XIRP2: variants seen among roughly 807,000 people sequenced by gnomAD.
XIRP2 encodes the protein xin actin-binding repeat-containing protein 2.
Under a neutral mutation model 277.0 loss-of-function variants are expected in XIRP2, and 236 were observed. The observed-to-expected ratio is 0.85, with a 90% confidence interval of 0.77 to 0.95. The LOEUF (loss-of-function observed/expected upper bound fraction) is 0.95, where lower values mean the gene tolerates loss of function less well. XIRP2 is among the 40% of genes least tolerant of loss of function. The pLI is 0.00. For synonymous variants in XIRP2, 1,490 were observed against 1,416.5 expected, an observed-to-expected ratio of 1.05 and a Z score of -1.17; for missense variants, 4,640 against 4,157.5, an observed-to-expected ratio of 1.12 and a Z score of -3.19.
intron 5 of XIRP2, among the ~76,000 whole-genome samples, chr2:167,233,665 T>C (rs1694820525): frequency 6.6e-6 from 1 of 151,818 alleles, no homozygotes; most frequent in Non-Finnish European, 1.5e-5. Context: ...TTAGTTAGCA[T>C]AGGACACATG....
At chr2:167,089,249 A>T (rs1044245272) in intron 2 of XIRP2, among the ~76,000 whole-genome samples, 5 of 152,166 alleles carry the variant, frequency 3.3e-5, no homozygotes, top group Non-Finnish European at 5.9e-5. Flanking sequence ...AATAGCAAAG[A>T]CAACTTTTTC....
At chr2:167,239,762 T>G (rs1182292533) in intron 5 of XIRP2, 93 bp from the exon 6 acceptor site, 2 of 1,095,384 alleles carry the variant, frequency 1.8e-6, no homozygotes, top group Non-Finnish European at 2.6e-6. Flanking sequence ...AATCTCATTT[T>G]TTTTCAGAAA....
At chr2:166,994,744 T>A (rs1276915785) in intron 2 of XIRP2, among the ~76,000 whole-genome samples, 2 of 151,862 alleles carry the variant, frequency 1.3e-5, no homozygotes, top group Non-Finnish European at 2.9e-5. Flanking sequence ...GTTAATAGTA[T>A]TATGTCAGTG....
chr2:167,187,405 A>C (rs1218834922), intron 3 of XIRP2: 1 of 985,224 alleles, frequency 1.0e-6, no homozygotes. Context: ...CCTCCACTGC[A>C]CCCATTGCTT....
chr2:166,948,716 A>G (rs537319881), intron 2 of XIRP2, among the ~76,000 whole-genome samples: 43 of 152,082 alleles, frequency 2.8e-4, no homozygotes, highest in South Asian at 6.2e-4. Context: ...CCATATTCTA[A>G]TCTTCCAATA....
At chr2:167,103,966 T>C (rs1192003699) in intron 2 of XIRP2, among the ~76,000 whole-genome samples, 2 of 152,140 alleles carry the variant, frequency 1.3e-5, no homozygotes, top group Admixed American at 6.5e-5. Context: ...GAAATAGGAG[T>C]CAGTAGTCAC....
chr2:167,024,565 A>T (rs1688093552), intron 2 of XIRP2, among the ~76,000 whole-genome samples: 2 of 152,150 alleles, frequency 1.3e-5, no homozygotes, highest in South Asian at 4.1e-4. Flanking sequence ...GTTTTTGCCC[A>T]TTCAGTATGA....
In XIRP2 at chr2:167,085,448, G is replaced by A. The variant is rs1379502933; in HGVS notation, c.409-50461G>A. On this transcript the variant is annotated intron_variant, in intron 2 of 10. Transcript: ENST00000409195. Reference sequence around the variant, plus strand: ...ATTTGGGGTGGAGAGTTCTGTAGATGTCTATTAGGTCTGCTTGGTGCAGAG... The same window carrying A: ...ATTTGGGGTGGAGAGTTCTGTAGATATCTATTAGGTCTGCTTGGTGCAGAG... 4.6e-3 allele frequency among the ~76,000 whole-genome samples: 698 copies of A among 151,526 alleles called. 4 individuals are homozygous for A. The highest frequency in any genetic ancestry group is 0.016 in the African/African-American group (678 of 41,416).
At chr2:167,088,338 C>A (rs779419760) in intron 2 of XIRP2, among the ~76,000 whole-genome samples, 1 of 152,014 alleles carries the variant, frequency 6.6e-6, no homozygotes, top group African/African-American at 2.4e-5. Flanking sequence ...TTCTCCATTC[C>A]CTGCATTTCT....
intron 2 of XIRP2, among the ~76,000 whole-genome samples, chr2:166,997,212 C>T (rs1053251681): frequency 6.6e-5 from 10 of 152,096 alleles, no homozygotes; most frequent in African/African-American, 2.4e-4. Context: ...CTTTCTCCAA[C>T]CTACCTTTTA....
chr2:166,931,673 G>A (rs901376088), intron 2 of XIRP2, among the ~76,000 whole-genome samples: 1 of 152,044 alleles, frequency 6.6e-6, no homozygotes, highest in African/African-American at 2.4e-5. Context: ...TCTTTTGTGG[G>A]TGTGTATTTG....
intron 2 of XIRP2, among the ~76,000 whole-genome samples, chr2:167,126,819 A>G (rs56730065): frequency 0.29 from 44,547 of 152,002 alleles, 9,022 homozygotes; most frequent in African/African-American, 0.57. Context: ...CCTGCTGTGA[A>G]CCTCACTGTC....
chr2:167,011,119 G>A (rs1687666200), intron 2 of XIRP2, among the ~76,000 whole-genome samples: 1 of 149,378 alleles, frequency 6.7e-6, no homozygotes, highest in South Asian at 2.1e-4. Flanking sequence ...TTGAATAGGA[G>A]TGGTGAGAGA....
chr2:167,112,891 T>C lies in XIRP2; in HGVS notation c.409-23018T>C, dbSNP rs532710245. On this transcript the variant is annotated intron_variant, in intron 2 of 10. Coordinates refer to ENST00000409195, the MANE Select transcript of XIRP2 (RefSeq NM_152381.6). ...GCTGATCTCAAACTCCTGGCCTCAA[T>C]TGATCTGCCTGCCTCAGTCTCCCAA... is the stretch of plus-strand genomic sequence containing the variant. Among the ~76,000 whole-genome samples the C allele has an allele frequency of 3.4e-3, 515 of 152,116 alleles. 4 individuals carry two copies. The highest frequency in any genetic ancestry group is 0.017 in the Middle Eastern group (5 of 294).
chr2:167,049,361 T>C (rs1312033398), intron 2 of XIRP2, among the ~76,000 whole-genome samples: 1 of 151,906 alleles, frequency 6.6e-6, no homozygotes, highest in African/African-American at 2.4e-5. Context: ...TATATATAGC[T>C]GATGAAAAAC....
intron 2 of XIRP2, among the ~76,000 whole-genome samples, chr2:166,922,164 C>T (rs185966252): frequency 6.4e-4 from 98 of 152,260 alleles, no homozygotes; most frequent in African/African-American, 2.2e-3. Flanking sequence ...TCTTAGACCA[C>T]GGCTTGAATA....
chr2:167,026,850 C>T (rs374872233), intron 2 of XIRP2, among the ~76,000 whole-genome samples: 1 of 152,066 alleles, frequency 6.6e-6, no homozygotes. Flanking sequence ...ACTCTTCTGA[C>T]TTGTAGAGTT....
At chr2:167,108,525 T>C (rs1352680540) in intron 2 of XIRP2, among the ~76,000 whole-genome samples, 2 of 152,082 alleles carry the variant, frequency 1.3e-5, no homozygotes, top group African/African-American at 4.8e-5. Context: ...AATTTTCATA[T>C]TTCTCATTTT....
chr2:167,031,138 C>G (rs145791927), intron 2 of XIRP2, among the ~76,000 whole-genome samples: 5,459 of 151,898 alleles, frequency 0.036, 113 homozygotes, highest in East Asian at 0.055. Flanking sequence ...TGGGTCTTGA[C>G]TCTATCCAAT....
Sources: allele counts gnomAD v4.1 joint callset (sites outside exome capture counted in the v4.1 genomes callset), GRCh38; gene constraint gnomAD v4.1.1; transcripts MANE v1.5; gene names NCBI Gene and HGNC (gene_info 2026-07-23, HGNC 2026-07-21).